The following SHISA9 variants were observed in gnomAD, a reference collection of about 807,000 sequenced individuals.
SHISA9 encodes the protein shisa family member 9.
Under a neutral mutation model 38.0 loss-of-function variants are expected in SHISA9, and 13 were observed. The ratio of observed to expected loss-of-function variants is 0.34; its 90% CI spans 0.22 to 0.54. SHISA9 has a LOEUF of 0.54. SHISA9 is among the 20% of genes least tolerant of loss of function. The pLI is 0.91. For synonymous variants in SHISA9, 275 were observed against 242.0 expected, an observed-to-expected ratio of 1.14 and a Z score of -1.27; for missense variants, 538 against 575.8, an observed-to-expected ratio of 0.93 and a Z score of 0.67.
At chr16:13,323,212 G>A in the SHISA9 span, among the ~76,000 whole-genome samples, 1 of 152,294 alleles carries the variant, frequency 6.6e-6, no homozygotes, top group South Asian at 2.1e-4. Context: ...GAATGCTGGT[G>A]CTCCTTATAA....
At chr16:13,306,878 T>C in the SHISA9 span, among the ~76,000 whole-genome samples, 1 of 152,214 alleles carries the variant, frequency 6.6e-6, no homozygotes, top group Admixed American at 6.5e-5. Context: ...CGTATGTATG[T>C]GTGTATATAT....
chr16:13,543,785 A>T, the SHISA9 span, among the ~76,000 whole-genome samples: 1 of 152,206 alleles, frequency 6.6e-6, no homozygotes, highest in Admixed American at 6.5e-5. Context: ...TCTGAGTAGC[A>T]TCGACCCTTC....
the SHISA9 span, among the ~76,000 whole-genome samples, chr16:13,357,283 A>T: frequency 6.6e-6 from 1 of 152,224 alleles, no homozygotes; most frequent in Non-Finnish European, 1.5e-5. Context: ...CGGATAAAAC[A>T]TGTCTCTTTT....
chr16:13,365,646 A>G, the SHISA9 span, among the ~76,000 whole-genome samples: 1 of 151,880 alleles, frequency 6.6e-6, no homozygotes, highest in Non-Finnish European at 1.5e-5. Context: ...TTTTATAGAG[A>G]CAGGTTTTCA....
chr16:13,061,249 G>T (rs2073371891), intron 2 of SHISA9, among the ~76,000 whole-genome samples: 2 of 152,160 alleles, frequency 1.3e-5, no homozygotes. Flanking sequence ...GCTACAGCCA[G>T]CGATATAAAT....
the SHISA9 span, among the ~76,000 whole-genome samples, chr16:13,555,232 A>C: frequency 6.6e-6 from 1 of 152,172 alleles, no homozygotes; most frequent in Non-Finnish European, 1.5e-5. Context: ...GCACTTTATA[A>C]ATTTTAACTA....
chr16:13,299,155 C>A, the SHISA9 span, among the ~76,000 whole-genome samples: 2 of 152,302 alleles, frequency 1.3e-5, no homozygotes, highest in Middle Eastern at 6.8e-3. Flanking sequence ...CAGTTACCAG[C>A]CAACCAAATT....
chr16:13,420,480 C>A, the SHISA9 span, among the ~76,000 whole-genome samples: 1 of 151,896 alleles, frequency 6.6e-6, no homozygotes, highest in Admixed American at 6.6e-5. Flanking sequence ...AAATGTCTTT[C>A]CTGAGGAAGG....
At chr16:13,057,906 G>T (rs1482961250) in intron 2 of SHISA9, among the ~76,000 whole-genome samples, 3 of 152,182 alleles carry the variant, frequency 2.0e-5, no homozygotes, top group Non-Finnish European at 4.4e-5. Context: ...CCAGTGTTTA[G>T]TTGTCTGTTC....
At chr16:13,528,857 G>A in the SHISA9 span, among the ~76,000 whole-genome samples, 1 of 152,192 alleles carries the variant, frequency 6.6e-6, no homozygotes, top group Non-Finnish European at 1.5e-5. Flanking sequence ...ACCCCATAAA[G>A]TTTTAGTATG....
intron 1 of SHISA9, among the ~76,000 whole-genome samples, chr16:12,915,101 A>G (rs545459130): frequency 6.6e-6 from 1 of 152,214 alleles, no homozygotes; most frequent in African/African-American, 2.4e-5. Context: ...ATCCCCAAAC[A>G]CGGCAATTCT....
chr16:13,200,445 AGCAGCAG>A (rs577059951), intron 2 of SHISA9, among the ~76,000 whole-genome samples: 1,958 of 100,770 alleles, frequency 0.019, 43 homozygotes, highest in African/African-American at 0.086. Flanking sequence ...CACACACAGC[AGCAGCAG>A]CAGCAGCAGC....
the SHISA9 span, among the ~76,000 whole-genome samples, chr16:13,352,808 G>A: frequency 1.3e-5 from 2 of 150,644 alleles, no homozygotes; most frequent in Non-Finnish European, 2.9e-5. Context: ...AAGGTGCTCA[G>A]TGGGGGAGCT....
chr16:13,530,201 T>C, the SHISA9 span, among the ~76,000 whole-genome samples: 1 of 152,166 alleles, frequency 6.6e-6, no homozygotes, highest in Non-Finnish European at 1.5e-5. Flanking sequence ...CTCAGGAGGC[T>C]GAAGCAGGAG....
intron 1 of SHISA9, chr16:12,908,460 C>T: frequency 6.4e-7 from 1 of 1,551,648 alleles, no homozygotes; most frequent in Non-Finnish European, 8.7e-7. Context: ...TAATTTCATA[C>T]CCTTCCCCCA....
intron 2 of SHISA9, among the ~76,000 whole-genome samples, chr16:13,015,984 C>T (rs113694489): frequency 1.0e-4 from 4 of 38,690 alleles, no homozygotes; most frequent in African/African-American, 1.5e-4. Flanking sequence ...CCCTTCCCTT[C>T]CCTTCTTTTC....
the SHISA9 span, among the ~76,000 whole-genome samples, chr16:13,397,034 T>A: frequency 6.6e-6 from 1 of 152,164 alleles, no homozygotes; most frequent in East Asian, 1.9e-4. Context: ...GACGAAGACC[T>A]TTATGATGAT....
the SHISA9 span, among the ~76,000 whole-genome samples, chr16:13,333,540 G>A: frequency 6.6e-6 from 1 of 152,030 alleles, no homozygotes; most frequent in Non-Finnish European, 1.5e-5. Flanking sequence ...TAGGTCCTCT[G>A]GACATTTTCC....
intron 4 of SHISA9, among the ~76,000 whole-genome samples, chr16:13,219,140 C>G (rs138960139): frequency 1.3e-5 from 2 of 152,088 alleles, no homozygotes; most frequent in African/African-American, 4.8e-5. Flanking sequence ...GAAATGAATG[C>G]GCAAAGAGGG....
Sources: allele counts gnomAD v4.1 joint callset (sites outside exome capture counted in the v4.1 genomes callset), GRCh38; gene constraint gnomAD v4.1.1; transcripts MANE v1.5; gene names NCBI Gene and HGNC (gene_info 2026-07-23, HGNC 2026-07-21).